PARD3B: variants seen among roughly 807,000 people sequenced by gnomAD.
The protein encoded by PARD3B is partitioning defective 3 homolog B.
In PARD3B, 103 loss-of-function variants were observed where a neutral mutation model predicts 130.2. That is an observed-to-expected ratio of 0.79 (90% CI 0.67 to 0.93). The LOEUF (loss-of-function observed/expected upper bound fraction) is 0.93, where lower values mean the gene tolerates loss of function less well. Ranked by LOEUF, PARD3B falls within the 40% of genes least tolerant of loss-of-function variation. PARD3B has a pLI of 0.00. For synonymous variants in PARD3B, 583 were observed against 553.2 expected, an observed-to-expected ratio of 1.05 and a Z score of -0.76; for missense variants, 1,609 against 1,499.2, an observed-to-expected ratio of 1.07 and a Z score of -1.21.
At chr2:205,603,463 T>C (rs2054869783) in intron 22 of PARD3B, among the ~76,000 whole-genome samples, 1 of 152,174 alleles carries the variant, frequency 6.6e-6, no homozygotes, top group Non-Finnish European at 1.5e-5. Context: ...TAAAGTCTCC[T>C]ACTATTATCA....
At chr2:205,431,538 C>A (rs570581595) in intron 19 of PARD3B, among the ~76,000 whole-genome samples, 1 of 151,658 alleles carries the variant, frequency 6.6e-6, no homozygotes, top group African/African-American at 2.4e-5. Context: ...GGCGCTATCT[C>A]TGCTCACCGC....
intron 13 of PARD3B, among the ~76,000 whole-genome samples, chr2:205,184,419 C>T (rs1440902061): frequency 1.3e-5 from 2 of 152,132 alleles, no homozygotes; most frequent in Non-Finnish European, 1.5e-5. Flanking sequence ...GTTTACTTAA[C>T]AGTATGCATT....
intron 15 of PARD3B, among the ~76,000 whole-genome samples, chr2:205,217,688 T>TTA (rs1288308381): frequency 6.6e-6 from 1 of 150,826 alleles, no homozygotes; most frequent in African/African-American, 2.4e-5. Context: ...GTTTTAAATT[T>TTA]TATATATATA....
rs114025615 is a variant in PARD3B, at chr2:205,352,626, G to A, written c.2631-48387G>A. 9.7e-3 allele frequency among the ~76,000 whole-genome samples: 1,472 copies of A among 152,232 alleles called. 6 individuals are homozygous for A. The highest frequency in any genetic ancestry group is 0.016 in the Non-Finnish European group (1,109 of 68,022). On this transcript the variant is annotated intron_variant, in intron 18 of 22. Transcript: ENST00000406610. This position sits in a 1 kb window ranked among gnomAD's most constrained non-coding sequence, Gnocchi z 5.2. ...TAACCATTTTGGAGCAGATACACAGGCATCAAATGAAGCTCTTTTGATGTG... is the reference window on the plus strand; with the variant it reads ...TAACCATTTTGGAGCAGATACACAGACATCAAATGAAGCTCTTTTGATGTG...
Position 204,759,214 on chromosome 2 carries a change from T to C in PARD3B, c.222+72932T>C, listed in dbSNP as rs566548807. ...TGAACACATAAAATTAAAATTTAAA[T>C]GCATAAACTTTCCTATCTGATTGGC... On this transcript the variant is annotated intron_variant, in intron 2 of 22. Transcript: ENST00000406610. Among the ~76,000 whole-genome samples the C allele has an allele frequency of 5.9e-5, 9 of 152,274 alleles. No individual in the cohort carries two copies. In the South Asian group the frequency reaches 8.3e-4, roughly 14 times the overall value.
chr2:205,363,392 T>G (rs4673329), intron 18 of PARD3B, among the ~76,000 whole-genome samples: 91,183 of 151,994 alleles, frequency 0.6, 30,655 homozygotes, highest in South Asian at 0.77. Context: ...GTTCCCTTTA[T>G]GCACTAGGAT....
chr2:204,732,507 C>CTT (rs58373732), intron 2 of PARD3B, among the ~76,000 whole-genome samples: 9,305 of 144,540 alleles, frequency 0.064, 364 homozygotes, highest in Middle Eastern at 0.13. Flanking sequence ...GTAAGGATAT[C>CTT]TTTTTTTTTT....
At chr2:205,169,735 G>GATT (rs1211645018) in intron 11 of PARD3B, among the ~76,000 whole-genome samples, 2 of 152,106 alleles carry the variant, frequency 1.3e-5, no homozygotes, top group African/African-American at 2.4e-5. Flanking sequence ...CCAGGAACTG[G>GATT]ATTCAACTCT....
intron 10 of PARD3B, among the ~76,000 whole-genome samples, chr2:205,149,431 A>C (rs1230071226): frequency 6.6e-6 from 1 of 152,136 alleles, no homozygotes; most frequent in African/African-American, 2.4e-5. Context: ...TGTACCAATA[A>C]GTTTGTTTTC....
chr2:205,585,759 CCCA>C lies in PARD3B; in HGVS notation c.3261-29692_3261-29690del, dbSNP rs534965178. On this transcript the variant is annotated intron_variant, in intron 22 of 22. Coordinates refer to ENST00000406610, the MANE Select transcript of PARD3B (RefSeq NM_001302769.2). The surrounding 1 kb of genome is among the most constrained non-coding windows in gnomAD (Gnocchi z 5.4). ...GGAATCAGGAGTCAGCTGTTTCTCC[CCCA>C]CCACATTTCAGGAAGGGCTTTGAAC... Among the ~76,000 whole-genome samples, 502 of 152,288 alleles carry C rather than the reference CCCA, an allele frequency of 3.3e-3. 5 individuals are homozygous for C. Among genetic ancestry groups the C allele is most frequent in the Non-Finnish European group, 1.6e-3 (108 of 68,026 alleles).
intron 4 of PARD3B, among the ~76,000 whole-genome samples, chr2:205,082,636 G>A (rs1701490591): frequency 6.6e-6 from 1 of 151,902 alleles, no homozygotes; most frequent in Admixed American, 6.6e-5. Flanking sequence ...AAAAAAATCA[G>A]TTTGATTTCA....
chr2:205,530,929 A>G lies in PARD3B; in HGVS notation c.3181-22395A>G, dbSNP rs951416998. 2.0e-5 allele frequency among the ~76,000 whole-genome samples: 3 copies of G among 152,200 alleles called. No homozygotes were observed. Among genetic ancestry groups the G allele is most frequent in the African/African-American group, 7.2e-5 (3 of 41,458 alleles). ...AAATGCCAGAGTGGGAGGTGAGTGA[A>G]AGATGAGATGTCAAAGGAGAGGGGT... is the stretch of plus-strand genomic sequence containing the variant. On this transcript the variant is annotated intron_variant, in intron 21 of 22. Coordinates refer to ENST00000406610, the MANE Select transcript of PARD3B (RefSeq NM_001302769.2). This position sits in a 1 kb window ranked among gnomAD's most constrained non-coding sequence, Gnocchi z 4.7.
intron 18 of PARD3B, among the ~76,000 whole-genome samples, chr2:205,374,297 A>C (rs1294854816): frequency 2.0e-5 from 3 of 152,030 alleles, no homozygotes; most frequent in African/African-American, 7.2e-5. Context: ...AATACAGTGG[A>C]GCAATCTCAG....
rs532568202 is a variant in PARD3B, at chr2:205,586,892, C to T, written c.3261-28564C>T. On this transcript the variant is annotated intron_variant, in intron 22 of 22. Coordinates refer to ENST00000406610, the MANE Select transcript of PARD3B (RefSeq NM_001302769.2). ...TTTTTAATGTTTCATAAGTTGTAAA[C>T]GTTGATACCAAGTATGTGGTGGGTG... Among the ~76,000 whole-genome samples, 13 of 152,174 alleles carry T rather than the reference C, an allele frequency of 8.5e-5. No homozygotes were observed. The East Asian group carries it at 1.4e-3, about 16-fold the overall frequency.
chr2:204,701,582 CTA>C lies in PARD3B; in HGVS notation c.222+15302_222+15303del, dbSNP rs534619820. ...TCTAACTTTTTTTAAATCTGAAACT[CTA>C]TTTTAAGTTGAGTGTTGTTTTCTTC... On this transcript the variant is annotated intron_variant, in intron 2 of 22. Transcript: ENST00000406610. 3.9e-3 allele frequency among the ~76,000 whole-genome samples: 595 copies of C among 152,170 alleles called. 3 individuals carry two copies. The highest frequency in any genetic ancestry group is 0.014 in the African/African-American group (564 of 41,512).
chr2:205,244,559 C>T lies in PARD3B; in HGVS notation c.2141-1219C>T, dbSNP rs564572913. ...GTGGCTTGGGAAATCCTCTCTCTTTCTAATACATTTTCTGTAGAATTGGTC... is the reference window on the plus strand; with the variant it reads ...GTGGCTTGGGAAATCCTCTCTCTTTTTAATACATTTTCTGTAGAATTGGTC... On this transcript the variant is annotated intron_variant, in intron 15 of 22. Transcript: ENST00000406610. The surrounding 1 kb of genome is among the most constrained non-coding windows in gnomAD (Gnocchi z 4.7). Among the ~76,000 whole-genome samples, 2 of 152,220 alleles carry T rather than the reference C, an allele frequency of 1.3e-5. No homozygotes were observed. The highest frequency in any genetic ancestry group is 3.9e-4 in the East Asian group (2 of 5,184).
chr2:204,719,401 TAGAC>T (rs1181620591), intron 2 of PARD3B, among the ~76,000 whole-genome samples: 1 of 152,200 alleles, frequency 6.6e-6, no homozygotes, highest in Admixed American at 6.5e-5. Flanking sequence ...GATATTTGAA[TAGAC>T]AGAAAATTTA....
At chr2:204,947,160 C>G (rs2125816366) in intron 2 of PARD3B, among the ~76,000 whole-genome samples, 1 of 152,266 alleles carries the variant, frequency 6.6e-6, no homozygotes, top group East Asian at 1.9e-4. Flanking sequence ...TAACGCGTAA[C>G]ATTAACCATG....
At position 205,155,352 on chromosome 2, in the gene PARD3B, C is replaced by G. The variant is rs147348831; in HGVS notation, c.1435-3370C>G. Among the ~76,000 whole-genome samples, 838 of 152,224 alleles carry G rather than the reference C, an allele frequency of 5.5e-3. 7 individuals are homozygous for G. The highest frequency in any genetic ancestry group is 0.019 in the African/African-American group (783 of 41,522). On this transcript the variant is annotated intron_variant, in intron 10 of 22. Coordinates refer to ENST00000406610, the MANE Select transcript of PARD3B (RefSeq NM_001302769.2). ...GAAATTTCAACAGGCTTTCACAGAG[C>G]TATGCCTGCTCCAAAATATACATTG...
Sources: allele counts gnomAD v4.1 joint callset (sites outside exome capture counted in the v4.1 genomes callset), GRCh38; gene constraint gnomAD v4.1.1; non-coding constraint Gnocchi (gnomAD v3.1); transcripts MANE v1.5; gene names NCBI Gene and HGNC (gene_info 2026-07-23, HGNC 2026-07-21).